Variants in ZNF534 observed in about 807,000 individuals in gnomAD.
ZNF534 encodes KRAB domain only 3.
ZNF534 carries 19 observed loss-of-function variants against 13.6 expected under a neutral mutation model. That is an observed-to-expected ratio of 1.40 (90% confidence interval 0.97 to 2.05). The LOEUF is 2.05. ZNF534 is among the 30% of genes most tolerant of loss of function. The pLI is 0.00. For synonymous variants in ZNF534, 244 were observed against 273.8 expected (o/e 0.89, Z 1.07); for missense variants, 782 against 796.3 (o/e 0.98, Z 0.22).
chr19:52,437,821 C>T lies in ZNF534; in HGVS notation c.361C>T (p.Gln121Ter), dbSNP rs183060430. Residue 121 changes from glutamine to a stop codon, truncating the protein, a stop_gained, in exon 5 of 5, where the codon CAG becomes TAG. Coordinates refer to ENST00000433050, the MANE Select transcript of ZNF534 (RefSeq NM_001143938.3). LOFTEE classifies it low-confidence loss of function (END_TRUNC). ...LTLQLHLTEW[Q>*]PFQAVRNIYG... Reference sequence around the variant, plus strand: ...TCTTCAGTTACATCTGACTGAATGGCAGCCATTTCAAGCTGTAAGGAATAT... The same window carrying T: ...TCTTCAGTTACATCTGACTGAATGGTAGCCATTTCAAGCTGTAAGGAATAT... 1,005 of 1,613,494 alleles carry T rather than the reference C, an allele frequency of 6.2e-4. 10 individuals carry two copies. The highest frequency in any genetic ancestry group is 1.3e-3 in the Middle Eastern group (8 of 6,062).
chr19:52,451,302 C>A, exon 5 of ZNF534: 2 of 1,110,020 alleles, frequency 1.8e-6, no homozygotes, highest in South Asian at 1.3e-5. Context: ...CCCCTCTGCC[C>A]TCGCCCCTCG....
chr19:52,437,432 C>T (rs911395675), intron 4 of ZNF534, among the ~76,000 whole-genome samples: 17 of 152,216 alleles, frequency 1.1e-4, no homozygotes, highest in African/African-American at 3.6e-4. Flanking sequence ...GCCTGGCCAA[C>T]ATAGTGAAAC....
At chr19:52,446,941 A>G (rs1396078500), downstream of ZNF534, among the ~76,000 whole-genome samples, 1 of 152,168 alleles carries the variant, frequency 6.6e-6, no homozygotes, top group Non-Finnish European at 1.5e-5. Flanking sequence ...TTGTTCTTCA[A>G]TCTTGAGGAA....
At position 52,440,946 on chromosome 19, in the gene ZNF534, G is replaced by A. The variant is rs1287123199; in HGVS notation, c.*1500G>A. Among the ~76,000 whole-genome samples, 1 of 151,086 alleles carries A rather than the reference G, an allele frequency of 6.6e-6. No homozygotes were observed. The highest frequency in any genetic ancestry group is 6.6e-5 in the Admixed American group (1 of 15,144). ...AACAAGAGTCTCGCTCTGATGCCCAGGCTGGAGTGCAGTGGTGTAATCTCA... is the reference window on the plus strand; with the variant it reads ...AACAAGAGTCTCGCTCTGATGCCCAAGCTGGAGTGCAGTGGTGTAATCTCA... On this transcript the variant is annotated 3_prime_UTR_variant, in exon 5 of 5. Transcript: ENST00000433050.
chr19:52,436,808 G>A (rs1037487260), intron 4 of ZNF534, among the ~76,000 whole-genome samples: 2 of 151,700 alleles, frequency 1.3e-5, no homozygotes, highest in African/African-American at 4.8e-5. Flanking sequence ...GATTTCCCCT[G>A]TGTTTGTTAT....
At chr19:52,435,022 A>T in intron 3 of ZNF534, 59 bp from the exon 4 acceptor site, 1 of 1,561,446 alleles carries the variant, frequency 6.4e-7, no homozygotes, top group Non-Finnish European at 8.6e-7. Context: ...CTACCTAAAT[A>T]TAGGGCTTGG....
chr19:52,448,236 G>GA (rs2059200945), intron 4 of ZNF534, among the ~76,000 whole-genome samples: 1 of 151,964 alleles, frequency 6.6e-6, no homozygotes, highest in Non-Finnish European at 1.5e-5. Context: ...TCAACATGGT[G>GA]AAACCCCATC....
At chr19:52,430,275 C>T (rs182504948) in intron 1 of ZNF534, among the ~76,000 whole-genome samples, 30 of 152,174 alleles carry the variant, frequency 2.0e-4, no homozygotes, top group Admixed American at 9.2e-4. Context: ...CTCGGCCTCC[C>T]AAAGTGCTGG....
intron 4 of ZNF534, among the ~76,000 whole-genome samples, chr19:52,448,813 A>T (rs2059202960): frequency 6.6e-6 from 1 of 152,234 alleles, no homozygotes; most frequent in African/African-American, 2.4e-5. Context: ...TAATGATCAA[A>T]TCAGGATAAT....
intron 3 of ZNF534, among the ~76,000 whole-genome samples, chr19:52,434,735 AAAAAAAAAAAG>A (rs1281092075): frequency 1.3e-5 from 2 of 151,336 alleles, no homozygotes; most frequent in Non-Finnish European, 2.9e-5. Flanking sequence ...TGTCTCAAAA[AAAAAAAAAAAG>A]AAAGAAATGT....
rs1177300868 is a variant in ZNF534 at position 52,441,926 on chromosome 19, G to A, written c.*2480G>A. On this transcript the variant is annotated 3_prime_UTR_variant, in exon 5 of 5. Coordinates refer to ENST00000433050, the MANE Select transcript of ZNF534 (RefSeq NM_001143938.3). ...GAAAGAGTCCTTACAAGCTGTGTACGGAAAGCTCGTCATGAGTTTTAGCAT... is the reference window on the plus strand; with the variant it reads ...GAAAGAGTCCTTACAAGCTGTGTACAGAAAGCTCGTCATGAGTTTTAGCAT... 1.3e-5 allele frequency among the ~76,000 whole-genome samples: 2 copies of A among 152,166 alleles called. No homozygotes were observed. The highest frequency in any genetic ancestry group is 2.4e-5 in the African/African-American group (1 of 41,432).
intron 1 of ZNF534, among the ~76,000 whole-genome samples, chr19:52,430,177 G>A (rs931978851): frequency 8.6e-5 from 13 of 151,046 alleles, no homozygotes; most frequent in Non-Finnish European, 1.8e-4. Context: ...CACCACGGCC[G>A]GCTAGTTTTT....
intron 2 of ZNF534, among the ~76,000 whole-genome samples, chr19:52,432,055 T>TTATA (rs200149884): frequency 1.3e-5 from 2 of 150,622 alleles, no homozygotes; most frequent in Admixed American, 1.3e-4. Flanking sequence ...CATGTCATCA[T>TTATA]TATATATATA....
chr19:52,435,604 C>T (rs991658337), intron 4 of ZNF534, among the ~76,000 whole-genome samples: 3 of 152,202 alleles, frequency 2.0e-5, no homozygotes, highest in Middle Eastern at 3.4e-3. Flanking sequence ...CTGGGGCTCA[C>T]GTGATTCTCC....
At chr19:52,434,567 C>T (rs115507659) in intron 3 of ZNF534, among the ~76,000 whole-genome samples, 2,073 of 149,438 alleles carry the variant, frequency 0.014, 50 homozygotes, top group African/African-American at 0.048. Context: ...CCCATCCATA[C>T]TAAAAATACA....
At chr19:52,434,520 A>G (rs950998810) in intron 3 of ZNF534, among the ~76,000 whole-genome samples, 2 of 150,348 alleles carry the variant, frequency 1.3e-5, no homozygotes, top group African/African-American at 4.9e-5. Context: ...TGAACTTGAA[A>G]TGTCCCCTTA....
At chr19:52,436,053 CA>C (rs1173988375) in intron 4 of ZNF534, among the ~76,000 whole-genome samples, 1 of 151,036 alleles carries the variant, frequency 6.6e-6, no homozygotes, top group Non-Finnish European at 1.5e-5. Context: ...TCTTCTGCTT[CA>C]ACCTCCCAAG....
chr19:52,451,331 C>T, exon 5 of ZNF534: 1 of 1,121,396 alleles, frequency 8.9e-7, no homozygotes, highest in South Asian at 1.3e-5. Context: ...CCATTTCCTT[C>T]CGTTTCTGCT....
At chr19:52,436,722 C>T (rs1414927233) in intron 4 of ZNF534, among the ~76,000 whole-genome samples, 1 of 152,132 alleles carries the variant, frequency 6.6e-6, no homozygotes, top group Non-Finnish European at 1.5e-5. Flanking sequence ...TTGCTGTCTG[C>T]TGTTAAACCC....
Sources: gnomAD v4.1 joint callset for allele counts (sites outside exome capture counted in the v4.1 genomes callset) on GRCh38, gnomAD v4.1.1 for gene constraint, MANE v1.5 for transcripts, NCBI Gene and HGNC (gene_info 2026-07-23, HGNC 2026-07-21) for gene names.